Variants in SHROOM3 observed in about 807,000 individuals in gnomAD.
SHROOM3 encodes shroom family member 3.
Under a neutral mutation model 138.6 loss-of-function variants are expected in SHROOM3, and 47 were observed. That is an observed-to-expected ratio of 0.34 (90% CI 0.27 to 0.43). The LOEUF (loss-of-function observed/expected upper bound fraction) is 0.43. Ranked by LOEUF, SHROOM3 falls within the 20% of genes least tolerant of loss-of-function variation. The pLI is 1.00. For synonymous variants in SHROOM3, 1,062 were observed against 1,063.3 expected (o/e 1.00, Z 0.02); for missense variants, 2,491 against 2,596.5 (o/e 0.96, Z 0.88).
chr4:76,498,371 A>T (rs1158749142), intron 1 of SHROOM3, among the ~76,000 whole-genome samples: 1 of 152,150 alleles, frequency 6.6e-6, no homozygotes, highest in Non-Finnish European at 1.5e-5. Context: ...AGGGAGAAAG[A>T]AAGAGAGAGA....
At position 76,548,172 on chromosome 4, in the gene SHROOM3, G is replaced by A. The variant is rs369770655; in HGVS notation, c.169-7437G>A. Among the ~76,000 whole-genome samples, 201 of 152,298 alleles carry A rather than the reference G, an allele frequency of 1.3e-3. 1 individual carries two copies. The highest frequency in any genetic ancestry group is 4.4e-3 in the African/African-American group (182 of 41,562). ...AACAGCAAGTCTAAGGCCCCTGAAG[G>A]AAGACAGTGCCTGCCATGCTCCCTG... On this transcript the variant is annotated intron_variant, in intron 1 of 10. Coordinates refer to ENST00000296043, the MANE Select transcript of SHROOM3 (RefSeq NM_020859.4).
At chr4:76,568,986 T>C (rs1039623203) in intron 2 of SHROOM3, among the ~76,000 whole-genome samples, 25 of 152,174 alleles carry the variant, frequency 1.6e-4, no homozygotes, top group Non-Finnish European at 3.4e-4. Context: ...AACCTGTGTA[T>C]AGAAAAAAAA....
At chr4:76,632,570 G>T (rs1472067195) in intron 2 of SHROOM3, among the ~76,000 whole-genome samples, 1 of 152,164 alleles carries the variant, frequency 6.6e-6, no homozygotes, top group Non-Finnish European at 1.5e-5. Flanking sequence ...GGATGGAGGG[G>T]AAGAAGGCTG....
intron 2 of SHROOM3, among the ~76,000 whole-genome samples, chr4:76,565,402 C>G (rs1733702073): frequency 6.6e-6 from 1 of 152,156 alleles, no homozygotes; most frequent in South Asian, 2.1e-4. Context: ...TTAAATTGGG[C>G]TACACATTGG....
At chr4:76,598,581 G>C (rs949584099) in intron 2 of SHROOM3, among the ~76,000 whole-genome samples, 2 of 152,182 alleles carry the variant, frequency 1.3e-5, no homozygotes, top group African/African-American at 4.8e-5. Flanking sequence ...AAGTCAAGGT[G>C]GAGATGGGGT....
At chr4:76,519,335 T>G (rs9998344) in intron 1 of SHROOM3, among the ~76,000 whole-genome samples, 3,175 of 152,252 alleles carry the variant, frequency 0.021, 95 homozygotes, top group African/African-American at 0.072. Context: ...AGGCCCCAGT[T>G]TACTCCTAAA....
At chr4:76,631,762 T>G (rs1369039358) in intron 2 of SHROOM3, among the ~76,000 whole-genome samples, 2 of 152,230 alleles carry the variant, frequency 1.3e-5, no homozygotes, top group Non-Finnish European at 2.9e-5. Context: ...GGAAAAATTA[T>G]TATCAACTTT....
chr4:76,757,039 C>G, intron 8 of SHROOM3, 102 bp downstream of exon 8: 1 of 1,574,926 alleles, frequency 6.3e-7, no homozygotes, highest in Non-Finnish European at 8.7e-7. Context: ...CCTACTGCCA[C>G]AGCTCCTGAA....
intron 2 of SHROOM3, among the ~76,000 whole-genome samples, chr4:76,565,367 C>G (rs935739704): frequency 2.0e-5 from 3 of 152,114 alleles, no homozygotes; most frequent in Non-Finnish European, 2.9e-5. Context: ...ATACTTGAAT[C>G]AAAATGGCTT....
chr4:76,742,085 A>G, intron 5 of SHROOM3, 159 bp downstream of exon 5: 1 of 941,898 alleles, frequency 1.1e-6, no homozygotes, highest in East Asian at 2.6e-5. Flanking sequence ...GAGTTTCTCA[A>G]GTGTCCCTTA....
chr4:76,678,264 G>A (rs10023386), intron 2 of SHROOM3, among the ~76,000 whole-genome samples: 28,063 of 151,138 alleles, frequency 0.19, 2,959 homozygotes, highest in East Asian at 0.35. Flanking sequence ...GTAAAGATAA[G>A]GGTTTTTTTG....
At chr4:76,603,214 C>T (rs1396604501) in intron 2 of SHROOM3, among the ~76,000 whole-genome samples, 2 of 152,096 alleles carry the variant, frequency 1.3e-5, no homozygotes, top group African/African-American at 2.4e-5. Context: ...GTCAGGAGAT[C>T]GAAACCATCC....
At chr4:76,509,715 C>T (rs551318125) in intron 1 of SHROOM3, 1 of 152,250 alleles carries the variant, frequency 6.6e-6, no homozygotes, top group African/African-American at 2.4e-5. Flanking sequence ...ATGATGGTGC[C>T]TCCTACTCAG....
At chr4:76,529,715 G>T (rs968585878) in intron 1 of SHROOM3, among the ~76,000 whole-genome samples, 4 of 135,390 alleles carry the variant, frequency 3.0e-5, no homozygotes, top group African/African-American at 1.2e-4. Context: ...CTACGTACAG[G>T]ACTGGACTTT....
intron 1 of SHROOM3, among the ~76,000 whole-genome samples, chr4:76,534,826 C>G (rs893336717): frequency 1.3e-5 from 2 of 152,210 alleles, no homozygotes; most frequent in Non-Finnish European, 2.9e-5. Context: ...TCTCCCTAGT[C>G]AACTGACTTC....
intron 2 of SHROOM3, among the ~76,000 whole-genome samples, chr4:76,632,028 T>C (rs1384350563): frequency 2.0e-5 from 3 of 152,090 alleles, no homozygotes; most frequent in African/African-American, 4.8e-5. Flanking sequence ...ATCTGAATAA[T>C]TGGGATGGTA....
chr4:76,717,697 C>G (rs760836566), intron 3 of SHROOM3, among the ~76,000 whole-genome samples: 17 of 152,050 alleles, frequency 1.1e-4, no homozygotes, highest in Non-Finnish European at 1.0e-4. Flanking sequence ...GAACCTAAAA[C>G]TGCTCTAAAA....
chr4:76,716,908 T>C (rs140747298), intron 3 of SHROOM3, among the ~76,000 whole-genome samples: 35 of 152,340 alleles, frequency 2.3e-4, no homozygotes, highest in Admixed American at 2.0e-4. Flanking sequence ...CTTTCACTTA[T>C]TCCTTCTCTG....
chr4:76,499,482 T>G (rs932515225), intron 1 of SHROOM3, among the ~76,000 whole-genome samples: 3 of 152,212 alleles, frequency 2.0e-5, no homozygotes, highest in Non-Finnish European at 4.4e-5. Flanking sequence ...GGCAAACTTG[T>G]TTGAAGTAAA....
Sources: gnomAD v4.1 joint callset for allele counts (sites outside exome capture counted in the v4.1 genomes callset) on GRCh38, gnomAD v4.1.1 for gene constraint, MANE v1.5 for transcripts, NCBI Gene and HGNC (gene_info 2026-07-23, HGNC 2026-07-21) for gene names.